Variants in MCEE observed in about 807,000 individuals in gnomAD.
The protein encoded by MCEE is methylmalonyl-CoA epimerase.
Under a neutral mutation model 12.9 loss-of-function variants are expected in MCEE, and 6 were observed. That is an observed-to-expected ratio of 0.47 (90% CI 0.26 to 0.92). MCEE has a LOEUF of 0.92. Among genes scored for constraint, MCEE ranks in the 40% least tolerant of loss-of-function variants. The probability of loss-of-function intolerance (pLI) is 0.16; values close to 1 mark genes in which losing one functional copy is unlikely to be tolerated. For missense variants in MCEE, 214 were observed against 212.1 expected (o/e 1.01, Z -0.05); for synonymous variants, 78 against 77.9 (o/e 1.00, Z -0.01).
intron 2 of MCEE, among the ~76,000 whole-genome samples, chr2:71,113,024 T>G (rs61427984): frequency 0.28 from 42,932 of 152,080 alleles, 7,148 homozygotes; most frequent in East Asian, 0.66. Context: ...TAATTTCTGT[T>G]TTAAGCCACT....
chr2:71,118,823 G>C (rs1673044150), intron 2 of MCEE, among the ~76,000 whole-genome samples: 1 of 149,924 alleles, frequency 6.7e-6, no homozygotes, highest in Non-Finnish European at 1.5e-5. Flanking sequence ...CCATGCTGAT[G>C]CCCTCCTCAC....
chr2:71,110,072 G>A lies in MCEE; in HGVS notation c.429C>T (p.Arg143=), dbSNP rs1672856144. The change falls in exon 3 of 3, where the codon CGC becomes CGT. Residue 143 remains arginine, a synonymous_variant. Coordinates refer to ENST00000244217, the MANE Select transcript of MCEE (RefSeq NM_032601.4). ...AVMDLKKKKI[R]SLSEEVKIGA... ...CTATTTTGACCTCTTCACTTAGACT[G>A]CGGATCTTCTTTTTTTTCAAATCCA... 6.2e-7 allele frequency: 1 copy of A among 1,613,370 alleles called. No individual in the cohort carries two copies. The highest frequency in any genetic ancestry group is 2.2e-5 in the East Asian group (1 of 44,852).
At chr2:71,123,468 G>A (rs1379138141) in intron 2 of MCEE, among the ~76,000 whole-genome samples, 1 of 149,494 alleles carries the variant, frequency 6.7e-6, no homozygotes, top group African/African-American at 2.5e-5. Flanking sequence ...ACTTCAGCCT[G>A]GGCGACAGAG....
At chr2:71,119,833 T>C (rs1469645658) in intron 2 of MCEE, among the ~76,000 whole-genome samples, 4 of 149,918 alleles carry the variant, frequency 2.7e-5, no homozygotes, top group Non-Finnish European at 4.4e-5. Context: ...GGTAGAAGGA[T>C]TGCTTGAGCC....
intron 2 of MCEE, among the ~76,000 whole-genome samples, chr2:71,111,958 T>C (rs1672892749): frequency 6.6e-6 from 1 of 152,216 alleles, no homozygotes; most frequent in South Asian, 2.1e-4. Flanking sequence ...TCAGGGAGGA[T>C]AAACTGATCT....
intron 2 of MCEE, among the ~76,000 whole-genome samples, chr2:71,122,753 C>G (rs1286192655): frequency 1.3e-5 from 2 of 152,202 alleles, no homozygotes; most frequent in Non-Finnish European, 2.9e-5. Flanking sequence ...GGTGGGGACA[C>G]AGCCAAGCCA....
chr2:71,125,050 G>T (rs973200184), intron 1 of MCEE, among the ~76,000 whole-genome samples: 3 of 150,990 alleles, frequency 2.0e-5, no homozygotes, highest in Admixed American at 2.0e-4. Flanking sequence ...GCAACAGTGC[G>T]ATCTCAGCTC....
At chr2:71,111,088 T>C (rs935180564) in intron 2 of MCEE, among the ~76,000 whole-genome samples, 18 of 152,200 alleles carry the variant, frequency 1.2e-4, no homozygotes, top group Admixed American at 1.3e-4. Context: ...GTCAAACAGC[T>C]AATGAGGATA....
chr2:71,115,317 G>A (rs1330571212), intron 2 of MCEE, among the ~76,000 whole-genome samples: 2 of 152,190 alleles, frequency 1.3e-5, no homozygotes, highest in African/African-American at 4.8e-5. Context: ...AGCCCAGGTT[G>A]AGGCTGAAGT....
At chr2:71,113,938 T>C (rs1281957914) in intron 2 of MCEE, among the ~76,000 whole-genome samples, 2 of 152,204 alleles carry the variant, frequency 1.3e-5, no homozygotes, top group African/African-American at 2.4e-5. Flanking sequence ...TTTACCTCTA[T>C]GGTCTTCCCA....
intron 1 of MCEE, among the ~76,000 whole-genome samples, chr2:71,125,226 T>TTTTTTTTTTA (rs1673200186): frequency 2.2e-5 from 3 of 135,276 alleles, no homozygotes; most frequent in African/African-American, 5.3e-5. Context: ...TTTTTTTTTT[T>TTTTTTTTTTA]GAGACGGAGT....
rs750203713 is a variant in MCEE at position 71,120,168 on chromosome 2, C to T, written c.378+4038G>A. Among the ~76,000 whole-genome samples the T allele has an allele frequency of 4.0e-5, 6 of 150,288 alleles. No homozygotes were observed. In the East Asian group the frequency reaches 7.7e-4, roughly 19 times the overall value. On this transcript the variant is annotated intron_variant, in intron 2 of 2. Coordinates refer to ENST00000244217, the MANE Select transcript of MCEE (RefSeq NM_032601.4). Reference sequence around the variant, plus strand: ...AGCAGCAGCTGTTTACCAACCAACACGGAAGCATTTAAATATTTTTACAAA... The same window carrying T: ...AGCAGCAGCTGTTTACCAACCAACATGGAAGCATTTAAATATTTTTACAAA...
At chr2:71,124,124 T>C (rs1364479608) in intron 2 of MCEE, 82 bp downstream of exon 2, 4 of 1,031,684 alleles carry the variant, frequency 3.9e-6, no homozygotes, top group African/African-American at 1.6e-5. Flanking sequence ...CTAATGACAG[T>C]GACCATAAAT....
rs564102587 is a variant in MCEE, at chr2:71,128,158, G to T, written c.40+2022C>A. On this transcript the variant is annotated intron_variant, in intron 1 of 2. Coordinates refer to ENST00000244217, the MANE Select transcript of MCEE (RefSeq NM_032601.4). ...CATTTCTGTTAGCCCATTTACAGAC[G>T]ATTAATGAAAGTAAACCTATGCAGT... 2.0e-5 allele frequency among the ~76,000 whole-genome samples: 3 copies of T among 152,196 alleles called. No homozygotes were observed. The East Asian group carries it at 5.8e-4, about 29-fold the overall frequency.
chr2:71,125,833 T>C, intron 1 of MCEE, among the ~76,000 whole-genome samples: 1 of 152,214 alleles, frequency 6.6e-6, no homozygotes, highest in East Asian at 1.9e-4. Context: ...CTATCTAATA[T>C]TCACAACAAA....
chr2:71,125,786 C>T (rs905212272), intron 1 of MCEE, among the ~76,000 whole-genome samples: 1 of 152,188 alleles, frequency 6.6e-6, no homozygotes, highest in African/African-American at 2.4e-5. Flanking sequence ...TTACTGTGCA[C>T]CTACTGTCTG....
chr2:71,115,006 A>G (rs1409792985), intron 2 of MCEE, among the ~76,000 whole-genome samples: 1 of 152,234 alleles, frequency 6.6e-6, no homozygotes, highest in Non-Finnish European at 1.5e-5. Context: ...CTATCCAAGT[A>G]CAAGTATCTA....
In MCEE at chr2:71,114,102, C is replaced by CAAAAA. The variant is rs1194045914; in HGVS notation, c.379-3985_379-3981dup. Among the ~76,000 whole-genome samples the CAAAAA allele has an allele frequency of 9.9e-5, 15 of 151,136 alleles. No individual in the cohort carries two copies. In the South Asian group the frequency reaches 3.1e-3, roughly 31 times the overall value. On this transcript the variant is annotated intron_variant, in intron 2 of 2. Transcript: ENST00000244217. ...AAAAAGGTTAGAAAACAAAACAAAACAAAAAAACAAGGAAAGTTTGAGAAA... is the reference window on the plus strand; with the variant it reads ...AAAAAGGTTAGAAAACAAAACAAAACAAAAAAAAAAAACAAGGAAAGTTTGAGAAA...
Position 71,124,511 on chromosome 2 carries a change from T to C in MCEE, c.73A>G (p.Thr25Ala), listed in dbSNP as rs1024753705. 4 of 1,613,944 alleles carry C rather than the reference T, an allele frequency of 2.5e-6. No homozygotes were observed. The African/African-American group carries it at 4.0e-5, about 16-fold the overall frequency. ...LFSRLQAPIP[T>A]VRASSTSQPL... ...TGTGATGTGGAAGAAGCTCTTACTG[T>C]TGGAATGGGAGCTTGAAGTCTGGAA... is the stretch of plus-strand genomic sequence containing the variant. The change falls in exon 2 of 3, where the codon ACA becomes GCA. Residue 25 changes from threonine to alanine, a missense_variant. Physicochemically the swap from Thr to Ala is moderately conservative, Grantham distance 58 (BLOSUM62 0). Transcript: ENST00000244217.
Sources: allele counts gnomAD v4.1 joint callset (sites outside exome capture counted in the v4.1 genomes callset), GRCh38; gene constraint gnomAD v4.1.1; transcripts MANE v1.5; gene names NCBI Gene and HGNC (gene_info 2026-07-23, HGNC 2026-07-21).